Variants in NPSR1 observed in about 807,000 individuals in gnomAD.
NPSR1 encodes neuropeptide S receptor 1, also known as neuropeptide S receptor.
A neutral mutation model predicts 46.9 loss-of-function variants in NPSR1; 48 were observed. The observed-to-expected ratio is 1.02, with a 90% CI of 0.81 to 1.30. The LOEUF is 1.30. Ranked by LOEUF, NPSR1 falls within the 50% of genes most tolerant of loss-of-function variation. The pLI, the probability that NPSR1 is intolerant of heterozygous loss-of-function variation, is 0.00. For missense variants in NPSR1, 450 were observed against 449.5 expected (o/e 1.00, Z -0.01); for synonymous variants, 176 against 168.1 (o/e 1.05, Z -0.36).
intron 8 of NPSR1, among the ~76,000 whole-genome samples, chr7:34,862,547 T>C (rs2128768216): frequency 6.6e-6 from 1 of 151,920 alleles, no homozygotes; most frequent in South Asian, 2.1e-4. Context: ...ATACCTAGTG[T>C]GGTTTCTCTT....
intron 3 of NPSR1, among the ~76,000 whole-genome samples, chr7:34,788,969 C>T (rs1048710926): frequency 2.0e-5 from 3 of 151,774 alleles, no homozygotes; most frequent in Non-Finnish European, 4.4e-5. Context: ...AAAACAATGA[C>T]ATGAAACTAG....
At chr7:34,838,584 T>C (rs1373539174) in intron 6 of NPSR1, among the ~76,000 whole-genome samples, 1 of 152,160 alleles carries the variant, frequency 6.6e-6, no homozygotes, top group Non-Finnish European at 1.5e-5. Flanking sequence ...ACATTAGCCA[T>C]GATTAGTGTG....
chr7:34,878,296 C>A, exon 9 of NPSR1: 1 of 563,090 alleles, frequency 1.8e-6, no homozygotes, highest in Non-Finnish European at 3.3e-6. Context: ...GGATGGCCTG[C>A]ATCAGATTCA....
intron 8 of NPSR1, among the ~76,000 whole-genome samples, chr7:34,856,770 CAA>C (rs1240427755): frequency 1.3e-5 from 2 of 151,518 alleles, no homozygotes; most frequent in African/African-American, 4.9e-5. Context: ...GAAGGGACCG[CAA>C]GTCATTGTTT....
intron 8 of NPSR1, among the ~76,000 whole-genome samples, chr7:34,871,334 A>T (rs868032244): frequency 6.6e-6 from 1 of 151,684 alleles, no homozygotes; most frequent in Admixed American, 6.6e-5. Context: ...GACAGTCAGG[A>T]GGGATCCACC....
At chr7:34,721,320 C>T (rs1783847742) in intron 2 of NPSR1, among the ~76,000 whole-genome samples, 1 of 152,092 alleles carries the variant, frequency 6.6e-6, no homozygotes, top group Admixed American at 6.5e-5. Flanking sequence ...AACGAGTGTT[C>T]CTGGAAGAGA....
intron 8 of NPSR1, among the ~76,000 whole-genome samples, chr7:34,855,657 T>C (rs888994545): frequency 1.1e-4 from 16 of 152,056 alleles, no homozygotes; most frequent in African/African-American, 3.4e-4. Context: ...AGTGTGACTT[T>C]TCAGATTATT....
intron 1 of NPSR1, among the ~76,000 whole-genome samples, chr7:34,678,143 T>G (rs1348149779): frequency 1.5e-5 from 2 of 132,338 alleles, no homozygotes; most frequent in Non-Finnish European, 3.1e-5. Flanking sequence ...TCTGGACAAG[T>G]GCAAGAAATA....
intron 8 of NPSR1, among the ~76,000 whole-genome samples, chr7:34,861,016 T>G (rs1370289334): frequency 6.6e-6 from 1 of 151,938 alleles, no homozygotes; most frequent in Non-Finnish European, 1.5e-5. Flanking sequence ...GGACTGTTTG[T>G]ATCCATTTGC....
In NPSR1 at chr7:34,791,053, A is replaced by T. The variant is rs1787808765; in HGVS notation, c.384+12488A>T. Among the ~76,000 whole-genome samples the T allele has an allele frequency of 1.6e-5, 2 of 124,128 alleles. 1 individual carries two copies. Among genetic ancestry groups the T allele is most frequent in the South Asian group, 4.5e-4 (2 of 4,398 alleles). The allele number at this position is 124,128 out of a possible 152,430, so 81.4% of individuals were successfully genotyped here. On this transcript the variant is annotated intron_variant, in intron 3 of 8. Transcript: ENST00000360581. ...TGTTATATATTATATTATATATGTT[A>T]TATGTTATATATTATATTATATATG...
intron 1 of NPSR1, among the ~76,000 whole-genome samples, chr7:34,660,719 T>C (rs573183435): frequency 4.6e-5 from 7 of 152,216 alleles, no homozygotes; most frequent in Non-Finnish European, 8.8e-5. Flanking sequence ...GTGAAGTATC[T>C]CATTTAATTC....
At chr7:34,854,005 G>T (rs922049543), downstream of NPSR1, among the ~76,000 whole-genome samples, 3 of 151,400 alleles carry the variant, frequency 2.0e-5, no homozygotes, top group African/African-American at 7.3e-5. Context: ...ACATTATTAC[G>T]CACAACAATA....
intron 2 of NPSR1, among the ~76,000 whole-genome samples, chr7:34,734,684 T>C (rs1234625837): frequency 1.3e-5 from 2 of 152,236 alleles, no homozygotes; most frequent in East Asian, 3.8e-4. Flanking sequence ...AAGGGAGATC[T>C]GGATGTTGAA....
chr7:34,790,463 GATAAGA>G (rs1269541066), intron 3 of NPSR1, among the ~76,000 whole-genome samples: 1 of 151,670 alleles, frequency 6.6e-6, no homozygotes, highest in Admixed American at 6.6e-5. Flanking sequence ...TTAGGAACAA[GATAAGA>G]ATGCTCACTA....
chr7:34,693,535 C>A (rs1159931270), intron 2 of NPSR1, among the ~76,000 whole-genome samples: 2 of 152,102 alleles, frequency 1.3e-5, no homozygotes, highest in Non-Finnish European at 2.9e-5. Context: ...CAAGACCAGA[C>A]AGATTCACAG....
chr7:34,790,222 C>G (rs1368723651), intron 3 of NPSR1, among the ~76,000 whole-genome samples: 3 of 151,998 alleles, frequency 2.0e-5, no homozygotes, highest in Admixed American at 6.6e-5. Context: ...TTAACATACA[C>G]AAATTAATAA....
In NPSR1 at chr7:34,844,962, A is replaced by G. The variant is rs564191465; in HGVS notation, c.824A>G (p.Tyr275Cys). The G allele has an allele frequency of 5.0e-6, 8 of 1,612,086 alleles. No homozygotes were observed. In the African/African-American group the frequency reaches 8.0e-5, roughly 16 times the overall value. ...ISKAKIKAIK[Y>C]SIIIILAFIC... ...AAGGCAAAAATCAAGGCTATCAAGTATAGCATCATCATCATTCTTGGTAAG... is the reference window on the plus strand; with the variant it reads ...AAGGCAAAAATCAAGGCTATCAAGTGTAGCATCATCATCATTCTTGGTAAG... Residue 275 changes from tyrosine to cysteine, a missense_variant, in exon 7 of 9, where the codon TAT (tyrosine) becomes TGT (cysteine). Physicochemically the swap from Tyr to Cys is radical, Grantham distance 194. Coordinates refer to ENST00000360581, the MANE Select transcript of NPSR1 (RefSeq NM_207172.2).
intron 8 of NPSR1, among the ~76,000 whole-genome samples, chr7:34,849,101 T>C (rs1790847303): frequency 1.3e-5 from 2 of 152,378 alleles, no homozygotes; most frequent in South Asian, 4.1e-4. Flanking sequence ...ACAGTTATTG[T>C]CATTCTTCTG....
chr7:34,818,419 G>C (rs1789366751), intron 4 of NPSR1, among the ~76,000 whole-genome samples: 1 of 152,032 alleles, frequency 6.6e-6, no homozygotes, highest in Non-Finnish European at 1.5e-5. Flanking sequence ...AAATAAAAGA[G>C]GACACAAACA....
Sources: gnomAD v4.1 joint callset for allele counts (sites outside exome capture counted in the v4.1 genomes callset) on GRCh38, gnomAD v4.1.1 for gene constraint, MANE v1.5 for transcripts, NCBI Gene and HGNC (gene_info 2026-07-23, HGNC 2026-07-21) for gene names.